The following SUCLG2 variants were observed in gnomAD, a reference collection of about 807,000 sequenced individuals.
SUCLG2 encodes succinate-CoA ligase GDP-forming subunit beta, also known as succinate--CoA ligase [GDP-forming] subunit beta, mitochondrial.
A neutral mutation model predicts 47.9 loss-of-function variants in SUCLG2; 42 were observed. The observed-to-expected ratio is 0.88, with a 90% confidence interval of 0.69 to 1.14. The LOEUF (loss-of-function observed/expected upper bound fraction) is 1.14, where lower values mean the gene tolerates loss of function less well. SUCLG2 is among the 50% of genes most tolerant of loss of function. The pLI is 0.00. For synonymous variants in SUCLG2, 195 were observed against 197.3 expected (o/e 0.99, Z 0.10); for missense variants, 571 against 525.9 (o/e 1.09, Z -0.84).
At chr3:67,380,075 C>T (rs190511872) in intron 10 of SUCLG2, among the ~76,000 whole-genome samples, 58 of 152,164 alleles carry the variant, frequency 3.8e-4, no homozygotes, top group African/African-American at 1.3e-3. Flanking sequence ...TGGGCGGGTA[C>T]TTTTTGATAG....
intron 1 of SUCLG2, among the ~76,000 whole-genome samples, chr3:67,652,507 C>G (rs1701305012): frequency 1.3e-5 from 2 of 152,106 alleles, no homozygotes; most frequent in Admixed American, 6.5e-5. Flanking sequence ...GTACATGAAA[C>G]AGATCATAGG....
intron 10 of SUCLG2, among the ~76,000 whole-genome samples, chr3:67,394,530 T>C (rs183312807): frequency 0.049 from 6,993 of 142,508 alleles, 205 homozygotes; most frequent in Middle Eastern, 0.093. Context: ...TGTGAAAAGA[T>C]CAAATCTACG....
chr3:67,635,613 ACTC>A (rs1264247830), intron 1 of SUCLG2, among the ~76,000 whole-genome samples: 1 of 151,650 alleles, frequency 6.6e-6, no homozygotes, highest in Non-Finnish European at 1.5e-5. Context: ...AGAATCCAGG[ACTC>A]CTCCTCTCTG....
intron 9 of SUCLG2, among the ~76,000 whole-genome samples, chr3:67,430,729 A>G (rs377586472): frequency 6.6e-6 from 1 of 152,216 alleles, no homozygotes; most frequent in Non-Finnish European, 1.5e-5. Context: ...AAGAAAAGAG[A>G]GAAAAATCAA....
intron 2 of SUCLG2, among the ~76,000 whole-genome samples, chr3:67,557,743 A>T (rs1389183811): frequency 6.6e-6 from 1 of 152,150 alleles, no homozygotes; most frequent in African/African-American, 2.4e-5. Flanking sequence ...ATAATTGAGA[A>T]ATCCAAAGCA....
intron 9 of SUCLG2, among the ~76,000 whole-genome samples, chr3:67,453,654 T>C (rs2106941420): frequency 6.6e-6 from 1 of 152,334 alleles, no homozygotes; most frequent in African/African-American, 2.4e-5. Context: ...ATTGCCTTAC[T>C]GGTTACCAGG....
chr3:67,566,950 C>T (rs1707466106), intron 2 of SUCLG2, among the ~76,000 whole-genome samples: 1 of 152,032 alleles, frequency 6.6e-6, no homozygotes, highest in South Asian at 2.1e-4. Flanking sequence ...TTTGGGAGGC[C>T]AAGGCAGGTG....
chr3:67,483,176 G>T (rs1186873687), intron 9 of SUCLG2, among the ~76,000 whole-genome samples: 1 of 152,022 alleles, frequency 6.6e-6, no homozygotes, highest in East Asian at 1.9e-4. Context: ...CTAATTGCGA[G>T]AGAGTTGCCA....
chr3:67,398,484 C>T (rs1030900876), intron 10 of SUCLG2, among the ~76,000 whole-genome samples: 2 of 151,664 alleles, frequency 1.3e-5, no homozygotes, highest in Non-Finnish European at 2.9e-5. Flanking sequence ...CCATCTCACA[C>T]CAGTGAGAAT....
chr3:67,374,925 A>G lies in SUCLG2; in HGVS notation c.*819T>C, dbSNP rs1021241397. 3.2e-5 allele frequency: 32 copies of G among 985,528 alleles called. No homozygotes were observed. The highest frequency in any genetic ancestry group is 3.9e-5 in the Non-Finnish European group (32 of 829,890). The allele number at this position is 985,528 out of a possible 1,614,324, so 61.0% of individuals were successfully genotyped here. A position where few individuals can be genotyped will look rare whatever the true frequency, so the allele number is the denominator to read the frequency against. On this transcript the variant is annotated 3_prime_UTR_variant, in exon 11 of 11. Coordinates refer to ENST00000307227, the MANE Select transcript of SUCLG2 (RefSeq NM_003848.4). ...AGTAAGAGAGAAACGAGGAGAGAAG[A>G]TAGTGATACTAAACACAATTTGATC...
chr3:67,586,465 A>C (rs1436348445), intron 2 of SUCLG2, among the ~76,000 whole-genome samples: 2 of 152,232 alleles, frequency 1.3e-5, no homozygotes, highest in East Asian at 1.9e-4. Flanking sequence ...GAGATCAGAA[A>C]CAGGTAAGTT....
chr3:67,653,213 T>C (rs1701318776), intron 1 of SUCLG2, among the ~76,000 whole-genome samples: 2 of 152,234 alleles, frequency 1.3e-5, no homozygotes, highest in South Asian at 4.1e-4. Flanking sequence ...GTAAGCACCC[T>C]AGTTCTTGTT....
At chr3:67,602,811 C>T (rs963998807) in intron 2 of SUCLG2, among the ~76,000 whole-genome samples, 4 of 152,188 alleles carry the variant, frequency 2.6e-5, no homozygotes, top group Non-Finnish European at 5.9e-5. Context: ...GAGAAGCACT[C>T]TATCTGCATG....
At chr3:67,366,113 A>C (rs1235091762) in intron 10 of SUCLG2, among the ~76,000 whole-genome samples, 1 of 152,300 alleles carries the variant, frequency 6.6e-6, no homozygotes, top group East Asian at 1.9e-4. Flanking sequence ...ATGTGGTATG[A>C]TCATCATCTA....
intron 2 of SUCLG2, among the ~76,000 whole-genome samples, chr3:67,570,263 T>C (rs1308096032): frequency 3.9e-5 from 6 of 152,242 alleles, no homozygotes. Flanking sequence ...CATTTTGTTA[T>C]GGCAGCCCTA....
At chr3:67,412,553 G>A (rs1702952982) in intron 9 of SUCLG2, among the ~76,000 whole-genome samples, 1 of 152,054 alleles carries the variant, frequency 6.6e-6, no homozygotes, top group South Asian at 2.1e-4. Context: ...TCTGATGTCT[G>A]GGGAGCCCTG....
chr3:67,648,135 T>C (rs1033962731), intron 1 of SUCLG2, among the ~76,000 whole-genome samples: 6 of 152,230 alleles, frequency 3.9e-5, no homozygotes, highest in African/African-American at 1.4e-4. Context: ...TGATCCCCTT[T>C]TCAAGTAACA....
intron 2 of SUCLG2, among the ~76,000 whole-genome samples, chr3:67,562,392 C>T (rs1028817678): frequency 2.4e-4 from 37 of 152,112 alleles, no homozygotes; most frequent in Non-Finnish European, 3.1e-4. Context: ...ATTCTCCTGC[C>T]TCAGCTTCCC....
chr3:67,400,962 T>C, intron 9 of SUCLG2, 111 bp from the exon 10 acceptor site: 1 of 1,497,618 alleles, frequency 6.7e-7, no homozygotes, highest in Non-Finnish European at 9.0e-7. Flanking sequence ...TTTTTTTGTT[T>C]TTGTTTTATA....
Sources: gnomAD v4.1 joint callset for allele counts (sites outside exome capture counted in the v4.1 genomes callset) on GRCh38, gnomAD v4.1.1 for gene constraint, MANE v1.5 for transcripts, NCBI Gene and HGNC (gene_info 2026-07-23, HGNC 2026-07-21) for gene names.